ZNF732: variants seen among roughly 807,000 people sequenced by gnomAD.
The protein encoded by ZNF732 is zinc finger protein 732, also known as zinc finger protein LOC654254.
In ZNF732, 12 loss-of-function variants were observed where a neutral mutation model predicts 11.5. The observed-to-expected ratio is 1.05, with a 90% CI of 0.67 to 1.70. The LOEUF (loss-of-function observed/expected upper bound fraction) is 1.70. Ranked by LOEUF, ZNF732 falls within the 40% of genes most tolerant of loss-of-function variation. The pLI is 0.00. For synonymous variants in ZNF732, 231 were observed against 236.5 expected, an observed-to-expected ratio of 0.98 and a Z score of 0.21; for missense variants, 702 against 676.9, an observed-to-expected ratio of 1.04 and a Z score of -0.41.
At chr4:279,078 C>A (rs1719562867) in intron 3 of ZNF732, among the ~76,000 whole-genome samples, 1 of 151,564 alleles carries the variant, frequency 6.6e-6, no homozygotes, top group African/African-American at 2.4e-5. Context: ...GTTTCCCGCA[C>A]AGGACAATCT....
intron 3 of ZNF732, among the ~76,000 whole-genome samples, chr4:276,511 T>C (rs782696475): frequency 1.3e-5 from 2 of 151,974 alleles, no homozygotes; most frequent in Non-Finnish European, 2.9e-5. Context: ...ATACCTAATT[T>C]GTTGAGTTTC....
chr4:299,461 G>GTATATATATATATACACACATATGTGTA lies in ZNF732; in HGVS notation c.4-3307_4-3306insTACACATATGTGTGTATATATATATATA, dbSNP rs61392588. On this transcript the variant is annotated intron_variant, in intron 1 of 3. Coordinates refer to ENST00000419098, the MANE Select transcript of ZNF732 (RefSeq NM_001137608.3). ...TATATATATATATATACACATATGT[G>GTATATATATATATACACACATATGTGTA]TATATATATATACACATATATACAC... 3.7e-3 allele frequency among the ~76,000 whole-genome samples: 306 copies of GTATATATATATATACACACATATGTGTA among 83,544 alleles called. 41 individuals are homozygous for GTATATATATATATACACACATATGTGTA. The highest frequency in any genetic ancestry group is 0.017 in the African/African-American group (295 of 16,866). 54.8% of individuals were successfully genotyped at this position (83,544 alleles called of 152,430 possible).
rs1719360419 is a variant in ZNF732 at position 271,513 on chromosome 4, A to C, written c.1344T>G (p.Cys448Trp). 1 of 1,611,316 alleles carries C rather than the reference A, an allele frequency of 6.2e-7. No individual in the cohort carries two copies. Among genetic ancestry groups the C allele is most frequent in the Admixed American group, 1.7e-5 (1 of 59,820 alleles). The stretch of plus-strand genomic sequence containing the variant: ...ATCCAAAGGCTTTGCCACACTCTTC[A>C]CATTTGTAAGGTTTCTCTCCAGTAT... The part of the protein sequence containing the change: ...IIHTGEKPYK[C>W]EECGKAFGWS... The change falls in exon 4 of 4, where the codon TGT becomes TGG. Residue 448 changes from cysteine (C) to tryptophan (W), a missense_variant. Cys to Trp is a radical substitution (Grantham distance 215). This residue lies in a region of ZNF732 where 596 missense variants were observed against 557.9 expected (regional missense o/e 1.07). Coordinates refer to ENST00000419098, the MANE Select transcript of ZNF732 (RefSeq NM_001137608.3).
Position 290,222 on chromosome 4 carries a change from G to A in ZNF732, c.226+5216C>T, listed in dbSNP as rs567116397. ...CTCAGTGGAGTCAAAGATCAAGGGG[G>A]GTTACTTGGAAAAAGCAGGCCCTCA... On this transcript the variant is annotated intron_variant, in intron 3 of 3. Transcript: ENST00000419098. Among the ~76,000 whole-genome samples the A allele has an allele frequency of 2.4e-4, 36 of 152,288 alleles. No individual in the cohort carries two copies. The East Asian group carries it at 5.8e-3, about 24-fold the overall frequency.
At chr4:301,428 T>C (rs1233591452) in intron 1 of ZNF732, among the ~76,000 whole-genome samples, 3 of 152,232 alleles carry the variant, frequency 2.0e-5, no homozygotes, top group Admixed American at 6.5e-5. Context: ...TGTATGTTTA[T>C]TGTGGCACTA....
At chr4:299,602 AAATT>A (rs200720014) in intron 1 of ZNF732, among the ~76,000 whole-genome samples, 7,308 of 141,084 alleles carry the variant, frequency 0.052, 312 homozygotes, top group African/African-American at 0.11. Context: ...ATATATTTAT[AAATT>A]ATTTATATAT....
Position 296,285 on chromosome 4 carries a change from C to T in ZNF732, c.4-130G>A, listed in dbSNP as rs1034094283. On this transcript the variant is annotated intron_variant, in intron 1 of 3. Coordinates refer to ENST00000419098, the MANE Select transcript of ZNF732 (RefSeq NM_001137608.3). ...AAATAACTTTCAACACAGTAATGTT[C>T]TCTAAAGTATTCTATAGCTCTGCAG... 1.3e-5 allele frequency: 16 copies of T among 1,272,170 alleles called. No individual in the cohort carries two copies. In the East Asian group the frequency reaches 3.5e-4, roughly 28 times the overall value. The allele number at this position is 1,272,170 out of a possible 1,614,324, so 78.8% of individuals were successfully genotyped here.
Position 305,438 on chromosome 4 carries a change from T to G in ZNF732, c.-128A>C. 1.5e-6 allele frequency: 2 copies of G among 1,358,980 alleles called. No homozygotes were observed. The highest frequency in any genetic ancestry group is 2.0e-6 in the Non-Finnish European group (2 of 983,106). 84.2% of individuals were successfully genotyped at this position (1,358,980 alleles called of 1,614,324 possible). A position where few individuals can be genotyped will look rare whatever the true frequency, so the allele number is the denominator to read the frequency against. On this transcript the variant is annotated 5_prime_UTR_variant, in exon 1 of 4. Coordinates refer to ENST00000419098, the MANE Select transcript of ZNF732 (RefSeq NM_001137608.3). ...TCCCTGAGGGGTGAAAGCACGGCCG[T>G]GGAGACCCTAACCGAGCTCACGCTG...
Position 284,146 on chromosome 4 carries a change from C to T in ZNF732, c.226+11292G>A, listed in dbSNP as rs1553840256. Among the ~76,000 whole-genome samples, 8 of 152,004 alleles carry T rather than the reference C, an allele frequency of 5.3e-5. No homozygotes were observed. In the South Asian group the frequency reaches 1.5e-3, roughly 28 times the overall value. On this transcript the variant is annotated intron_variant, in intron 3 of 3. Coordinates refer to ENST00000419098, the MANE Select transcript of ZNF732 (RefSeq NM_001137608.3). Reference sequence around the variant, plus strand: ...TAGGATGGCCTCGATCTCCTGACCTCGTGATCCACCCACCTCAGCCTCCCA... The same window carrying T: ...TAGGATGGCCTCGATCTCCTGACCTTGTGATCCACCCACCTCAGCCTCCCA...
chr4:277,374 T>C (rs1333704081), intron 3 of ZNF732, among the ~76,000 whole-genome samples: 1 of 151,944 alleles, frequency 6.6e-6, no homozygotes. Flanking sequence ...AAATAAAATA[T>C]TTGCAAAATG....
rs184616729 is a variant in ZNF732 at position 293,941 on chromosome 4, A to G, written c.226+1497T>C. 6.8e-4 allele frequency among the ~76,000 whole-genome samples: 104 copies of G among 152,318 alleles called. 1 individual carries two copies. The Middle Eastern group carries it at 0.014, about 20-fold the overall frequency. On this transcript the variant is annotated intron_variant, in intron 3 of 3. Coordinates refer to ENST00000419098, the MANE Select transcript of ZNF732 (RefSeq NM_001137608.3). ...GAAAACTGCAACTATAAATGAAGCA[A>G]TGTTACTATATACCAAACATAACTC... is the stretch of plus-strand genomic sequence containing the variant.
rs782005069 is a variant in ZNF732 at position 271,940 on chromosome 4, TAG to T, written c.915_916del (p.Tyr306GlnfsTer10). On this transcript the variant is annotated frameshift_variant, in exon 4 of 4. Transcript: ENST00000419098. LOFTEE classifies it low-confidence loss of function (END_TRUNC). ...GACTTTGCCACATTCCTGACATTTGTAGAGTTTCTCTCCGGTATGAATTTTCT... is the reference window on the plus strand; with the variant it reads ...GACTTTGCCACATTCCTGACATTTGTAGTTTCTCTCCGGTATGAATTTTCT... 3.1e-5 allele frequency: 50 copies of T among 1,609,396 alleles called. No homozygotes were observed. In the East Asian group the frequency reaches 9.6e-4, roughly 31 times the overall value.
Position 296,023 on chromosome 4 carries a change from C to A in ZNF732, c.130+6G>T, listed in dbSNP as rs782708700. On this transcript the variant is annotated splice_donor_region_variant and intron_variant, in intron 2 of 3. Coordinates refer to ENST00000419098, the MANE Select transcript of ZNF732 (RefSeq NM_001137608.3). ...ATTAGGAATTATTTACTGAAGTTAT[C>A]CTCACCCAGGGAGATCAGGTTCCTG... 3 of 1,608,732 alleles carry A rather than the reference C, an allele frequency of 1.9e-6. No homozygotes were observed. The highest frequency in any genetic ancestry group is 2.2e-5 in the East Asian group (1 of 44,834).
At chr4:304,420 A>T (rs544801276) in intron 1 of ZNF732, among the ~76,000 whole-genome samples, 1 of 152,234 alleles carries the variant, frequency 6.6e-6, no homozygotes, top group South Asian at 2.1e-4. Context: ...GCCCAGGCTC[A>T]GCCATGTCTT....
chr4:295,964 T>C, intron 2 of ZNF732, 65 bp downstream of exon 2: 1 of 1,562,870 alleles, frequency 6.4e-7, no homozygotes, highest in Non-Finnish European at 8.6e-7. Context: ...AGAGACATTC[T>C]ACAAAAATAG....
chr4:272,150 G>A lies in ZNF732; in HGVS notation c.707C>T (p.Ser236Leu). 6.2e-7 allele frequency: 1 copy of A among 1,613,390 alleles called. No individual in the cohort carries two copies. Among genetic ancestry groups the A allele is most frequent in the South Asian group, 1.1e-5 (1 of 91,010 alleles). The change falls in exon 4 of 4, where the codon TCA (serine) becomes TTA (leucine). Residue 236 changes from serine (S) to leucine (L), a missense_variant. This residue lies in a region of ZNF732 where 596 missense variants were observed against 557.9 expected (regional missense o/e 1.07). Coordinates refer to ENST00000419098, the MANE Select transcript of ZNF732 (RefSeq NM_001137608.3). ...EECGNIFTTSSNFAKHKVHTG... is the reference protein window; with the variant it reads ...EECGNIFTTSLNFAKHKVHTG... ...ATGAACTTTATGTTTAGCAAAGTTT[G>A]AGGATGTGGTAAAGATGTTGCCACA...
At chr4:287,964 T>C (rs1333411603) in intron 3 of ZNF732, among the ~76,000 whole-genome samples, 4 of 152,154 alleles carry the variant, frequency 2.6e-5, no homozygotes, top group Admixed American at 6.5e-5. Flanking sequence ...TTTTGCTTTA[T>C]ATTGGCCATC....
intron 3 of ZNF732, among the ~76,000 whole-genome samples, chr4:277,252 C>CA (rs1204739921): frequency 2.0e-5 from 3 of 151,890 alleles, no homozygotes; most frequent in Non-Finnish European, 4.4e-5. Context: ...CTTAAGACCT[C>CA]AAAATCACAG....
At position 280,453 on chromosome 4, in the gene ZNF732, C is replaced by T. The variant is rs146135278; in HGVS notation, c.227-7823G>A. On this transcript the variant is annotated intron_variant, in intron 3 of 3. Coordinates refer to ENST00000419098, the MANE Select transcript of ZNF732 (RefSeq NM_001137608.3). ...AAAATTAGCCGGGTGTGGTGGCTGG[C>T]GCATGCCTGTAATCCCACCTACTCG... Among the ~76,000 whole-genome samples, 82 of 152,092 alleles carry T rather than the reference C, an allele frequency of 5.4e-4. 1 individual carries two copies. The highest frequency in any genetic ancestry group is 1.8e-3 in the African/African-American group (76 of 41,502).
Sources: allele counts gnomAD v4.1 joint callset (sites outside exome capture counted in the v4.1 genomes callset), GRCh38; gene constraint gnomAD v4.1.1; regional missense constraint gnomAD v4.1.1; transcripts MANE v1.5; gene names NCBI Gene and HGNC (gene_info 2026-07-23, HGNC 2026-07-21).